Variants in YTHDF1 observed in about 807,000 individuals in gnomAD.
The protein encoded by YTHDF1 is YTH domain-containing family protein 1.
In YTHDF1, 16 loss-of-function variants were observed where a neutral mutation model predicts 49.1. The ratio of observed to expected loss-of-function variants is 0.33; its 90% CI spans 0.22 to 0.49. The LOEUF (loss-of-function observed/expected upper bound fraction) is 0.49. Among genes scored for constraint, YTHDF1 ranks in the 20% least tolerant of loss-of-function variants. YTHDF1 has a pLI of 0.99. For missense variants in YTHDF1, 621 were observed against 744.3 expected (o/e 0.83, Z 1.93); for synonymous variants, 313 against 290.1 (o/e 1.08, Z -0.80).
intron 4 of YTHDF1, among the ~76,000 whole-genome samples, chr20:63,198,816 G>C (rs1031895944): frequency 6.6e-6 from 1 of 152,194 alleles, no homozygotes; most frequent in African/African-American, 2.4e-5. Context: ...TGCCGCCAGG[G>C]CAAGGACAGT....
rs146406670 is a variant in YTHDF1 at position 63,202,341 on chromosome 20, G to A, written c.1599C>T (p.Phe533=). 17 of 1,614,132 alleles carry A rather than the reference G, an allele frequency of 1.1e-5. No homozygotes were observed. Among genetic ancestry groups the A allele is most frequent in the Admixed American group, 1.7e-5 (1 of 60,010 alleles). Residue 533 remains phenylalanine (F), a synonymous_variant, in exon 4 of 5, where the codon TTC becomes TTT. Coordinates refer to ENST00000370339, the MANE Select transcript of YTHDF1 (RefSeq NM_017798.4). ...GCTTCTCGTAGTGAGCAAAGTCGTC[G>A]AAGATGGAGGTTGTGTGCTTGTAGG... ...ISSYKHTTSI[F]DDFAHYEKRQ...
chr20:63,206,699 G>C (rs376476492), intron 3 of YTHDF1, among the ~76,000 whole-genome samples: 2 of 152,212 alleles, frequency 1.3e-5, no homozygotes, highest in Admixed American at 1.3e-4. Flanking sequence ...GGGGTTCTGT[G>C]GGCCGGATTT....
intron 3 of YTHDF1, among the ~76,000 whole-genome samples, chr20:63,207,462 C>G (rs1277848221): frequency 6.6e-6 from 1 of 150,526 alleles, no homozygotes; most frequent in Non-Finnish European, 1.5e-5. Flanking sequence ...GAGCAAGACT[C>G]TGTCCCCCCC....
At chr20:63,212,351 TAAG>T (rs1238953150) in intron 3 of YTHDF1, among the ~76,000 whole-genome samples, 2 of 152,216 alleles carry the variant, frequency 1.3e-5, no homozygotes, top group African/African-American at 2.4e-5. Context: ...AGGAACATTC[TAAG>T]AAGTTCTAAG....
intron 4 of YTHDF1, among the ~76,000 whole-genome samples, chr20:63,199,165 C>CG (rs931453179): frequency 3.3e-5 from 5 of 152,172 alleles, no homozygotes; most frequent in Non-Finnish European, 5.9e-5. Context: ...GAAAACCGCC[C>CG]GGGGGCTCTA....
In YTHDF1 at chr20:63,203,288, C is replaced by A; in HGVS notation, c.652G>T (p.Gly218Cys). The A allele has an allele frequency of 6.2e-7, 1 of 1,613,828 alleles. No individual in the cohort carries two copies. The highest frequency in any genetic ancestry group is 1.1e-5 in the South Asian group (1 of 91,078). The part of the protein sequence containing the change: ...SSVALTGVLS[G>C]NGGTNVNMPV... Reference sequence around the variant, plus strand: ...ATGTTCACATTTGTCCCACCGTTGCCAGAAAGGACACCAGTCAGTGCCACG... The same window carrying A: ...ATGTTCACATTTGTCCCACCGTTGCAAGAAAGGACACCAGTCAGTGCCACG... The change falls in exon 4 of 5, where the codon GGC (glycine) becomes TGC (cysteine). Residue 218 changes from glycine (G) to cysteine (C), a missense_variant. By Grantham distance (159) the Gly-to-Cys change is radical (BLOSUM62 -3). Coordinates refer to ENST00000370339, the MANE Select transcript of YTHDF1 (RefSeq NM_017798.4). This position sits in a 1 kb window ranked among gnomAD's most constrained non-coding sequence, Gnocchi z 4.4.
At chr20:63,204,111 T>C (rs1160830774) in intron 3 of YTHDF1, among the ~76,000 whole-genome samples, 1 of 152,206 alleles carries the variant, frequency 6.6e-6, no homozygotes, top group Non-Finnish European at 1.5e-5. Flanking sequence ...CCTCTACTCT[T>C]ACCTGCAAAG....
chr20:63,203,596 A>G lies in YTHDF1; in HGVS notation c.344T>C (p.Ile115Thr), dbSNP rs2066530373. Residue 115 changes from isoleucine (I) to threonine (T), a missense_variant, in exon 4 of 5, where the codon ATC becomes ACC. Ile to Thr is a moderately conservative substitution (Grantham distance 89). Around this residue, in one of 2 missense-constraint regions of YTHDF1, gnomAD observed 470 missense variants for 495.8 expected, o/e 0.95. Coordinates refer to ENST00000370339, the MANE Select transcript of YTHDF1 (RefSeq NM_017798.4). The surrounding 1 kb of genome is among the most constrained non-coding windows in gnomAD (Gnocchi z 4.4). ...FGQPGGLGNN[I>T]YQHRFNFFPE... ...GAAAAAATTGAACCTGTGCTGATAG[A>G]TGTTGTTCCCCAGGCCCCCAGGCTG... is the stretch of plus-strand genomic sequence containing the variant. 1.2e-6 allele frequency: 2 copies of G among 1,613,964 alleles called. No homozygotes were observed. The highest frequency in any genetic ancestry group is 1.7e-5 in the Admixed American group (1 of 59,996).
At chr20:63,209,319 T>C (rs2066562903) in intron 3 of YTHDF1, among the ~76,000 whole-genome samples, 1 of 152,276 alleles carries the variant, frequency 6.6e-6, no homozygotes, top group Non-Finnish European at 1.5e-5. Context: ...ATGGCTTTTT[T>C]ACTTTACAAA....
intron 3 of YTHDF1, 113 bp downstream of exon 3, chr20:63,213,751 T>C: frequency 1.1e-6 from 1 of 944,406 alleles, no homozygotes; most frequent in South Asian, 1.7e-5. Context: ...CCTAATACTT[T>C]ATAGTCTGCT....
chr20:63,207,244 G>T (rs568783417), intron 3 of YTHDF1, among the ~76,000 whole-genome samples: 2 of 152,118 alleles, frequency 1.3e-5, no homozygotes, highest in Non-Finnish European at 2.9e-5. Context: ...TGAGGTGGAC[G>T]GATCACAAGG....
Position 63,195,948 on chromosome 20 carries a change from G to A in YTHDF1, c.*760C>T, listed in dbSNP as rs561852148. The A allele has an allele frequency of 2.0e-5, 3 of 152,186 alleles. No individual in the cohort carries two copies. Among genetic ancestry groups the A allele is most frequent in the Admixed American group, 2.0e-4 (3 of 15,290 alleles). 9.4% of individuals were successfully genotyped at this position (152,186 alleles called of 1,614,324 possible). On this transcript the variant is annotated 3_prime_UTR_variant, in exon 5 of 5. Coordinates refer to ENST00000370339, the MANE Select transcript of YTHDF1 (RefSeq NM_017798.4). ...GACGGCATTAGAATTCTTAAGAAAA[G>A]GTGTAAAATTTAAAAAGATGTGCAA...
chr20:63,215,471 T>A (rs943310119), intron 2 of YTHDF1, 106 bp downstream of exon 2: 110 of 1,488,140 alleles, frequency 7.4e-5, no homozygotes, highest in Non-Finnish European at 1.9e-6. Flanking sequence ...TCCCTGAAGC[T>A]GGCGGAAGAG....
At chr20:63,210,713 G>A (rs1287723270) in intron 3 of YTHDF1, among the ~76,000 whole-genome samples, 1 of 152,156 alleles carries the variant, frequency 6.6e-6, no homozygotes, top group African/African-American at 2.4e-5. Context: ...ACTTGAGCCA[G>A]GGAGGTGGAG....
chr20:63,203,108 C>A lies in YTHDF1; in HGVS notation c.832G>T (p.Gly278Trp), dbSNP rs371377350. 6.2e-7 allele frequency: 1 copy of A among 1,611,674 alleles called. No individual in the cohort carries two copies. The highest frequency in any genetic ancestry group is 8.5e-7 in the Non-Finnish European group (1 of 1,178,748). ...NMDIGTWDNK[G>W]PVPKAPVPQQ... ...GGGACTGGGGCCTTCGGCACAGGCC[C>A]CTTGTTATCCCAGGTGCCAATGTCC... Residue 278 changes from glycine to tryptophan, a missense_variant, in exon 4 of 5, where the codon GGG becomes TGG. This residue lies in a region of YTHDF1 where 470 missense variants were observed against 495.8 expected (regional missense o/e 0.95). Coordinates refer to ENST00000370339, the MANE Select transcript of YTHDF1 (RefSeq NM_017798.4). This position sits in a 1 kb window ranked among gnomAD's most constrained non-coding sequence, Gnocchi z 4.4.
intron 4 of YTHDF1, among the ~76,000 whole-genome samples, chr20:63,201,544 G>T (rs1239139855): frequency 6.6e-6 from 1 of 152,170 alleles, no homozygotes. Context: ...GACATCACAT[G>T]ACAGCACAGA....
chr20:63,197,608 G>T (rs1044144202), intron 4 of YTHDF1, among the ~76,000 whole-genome samples: 2 of 152,188 alleles, frequency 1.3e-5, no homozygotes, highest in Non-Finnish European at 2.9e-5. Context: ...GGCCGAGTGT[G>T]GTGGCGCACC....
At chr20:63,212,319 G>T (rs2066578528) in intron 3 of YTHDF1, among the ~76,000 whole-genome samples, 1 of 152,228 alleles carries the variant, frequency 6.6e-6, no homozygotes, top group African/African-American at 2.4e-5. Context: ...TTCGCCAAGT[G>T]CAGTAGGAGG....
intron 4 of YTHDF1, among the ~76,000 whole-genome samples, chr20:63,198,337 C>T (rs1265061283): frequency 6.6e-6 from 1 of 151,940 alleles, no homozygotes; most frequent in African/African-American, 2.4e-5. Context: ...CCCAGCCACT[C>T]TGAAGGCTGA....
Sources: allele counts gnomAD v4.1 joint callset (sites outside exome capture counted in the v4.1 genomes callset), GRCh38; gene constraint gnomAD v4.1.1; regional missense constraint gnomAD v4.1.1; non-coding constraint Gnocchi (gnomAD v3.1); transcripts MANE v1.5; gene names NCBI Gene and HGNC (gene_info 2026-07-23, HGNC 2026-07-21).